Variants in GALNT5 observed in about 807,000 individuals in gnomAD.
GALNT5 encodes the protein UDP-GalNAc:polypeptide N-acetylgalactosaminyltransferase 5.
GALNT5 carries 72 observed loss-of-function variants against 85.4 expected under a neutral mutation model. That is an observed-to-expected ratio of 0.84 (90% CI 0.70 to 1.03). GALNT5 has a LOEUF of 1.03. GALNT5 is among the 50% of genes least tolerant of loss of function. The pLI is 0.00. For synonymous variants in GALNT5, 404 were observed against 397.0 expected (o/e 1.02, Z -0.21); for missense variants, 1,137 against 1,135.5 (o/e 1.00, Z -0.02).
Position 157,311,538 on chromosome 2 carries a change from A to G in GALNT5, c.*190A>G, listed in dbSNP as rs1452158881. The G allele has an allele frequency of 1.0e-5, 5 of 487,332 alleles. No individual in the cohort carries two copies. The highest frequency in any genetic ancestry group is 1.8e-5 in the Non-Finnish European group (5 of 281,268). 30.2% of individuals were successfully genotyped at this position (487,332 alleles called of 1,614,324 possible). ...AGGAAAACAGTCCAACATTGGACTG[A>G]AGTCCTTCTTCGGAACTGGGTGGCC... is the stretch of plus-strand genomic sequence containing the variant. On this transcript the variant is annotated 3_prime_UTR_variant, in exon 10 of 10. Coordinates refer to ENST00000259056, the MANE Select transcript of GALNT5 (RefSeq NM_014568.3).
At chr2:157,302,597 A>G (rs1187265882) in intron 7 of GALNT5, 1 of 151,948 alleles carries the variant, frequency 6.6e-6, no homozygotes, top group Admixed American at 6.6e-5. Context: ...AAAAAAAAGA[A>G]AGGAATTTCC....
At position 157,258,790 on chromosome 2, in the gene GALNT5, C is replaced by T. The variant is rs200771005; in HGVS notation, c.708C>T (p.Asn236=). Residue 236 remains asparagine, a synonymous_variant, in exon 1 of 10, where the codon AAC becomes AAT. Transcript: ENST00000259056. ...RPKQRSQAVA[N]ERAHPASTAV... ...AGCAGCGATCACAGGCAGTAGCAAA[C>T]GAGAGGGCACACCCTGCCAGCACAG... 1.4e-5 allele frequency: 23 copies of T among 1,605,700 alleles called. No homozygotes were observed. Among genetic ancestry groups the T allele is most frequent in the East Asian group, 2.2e-5 (1 of 44,640 alleles).
At position 157,314,149 on chromosome 2, in the gene GALNT5, G is replaced by T. The variant is rs1057482456; in HGVS notation, c.*2801G>T. 1 of 151,620 alleles carries T rather than the reference G, an allele frequency of 6.6e-6. No homozygotes were observed. 9.4% of individuals were successfully genotyped at this position (151,620 alleles called of 1,614,324 possible). Reference sequence around the variant, plus strand: ...TAATCAGCACTGAATTCTTCAATAGGAGGCTGTGTTACAGGAGCTACAGAT... The same window carrying T: ...TAATCAGCACTGAATTCTTCAATAGTAGGCTGTGTTACAGGAGCTACAGAT... On this transcript the variant is annotated 3_prime_UTR_variant, in exon 10 of 10. Coordinates refer to ENST00000259056, the MANE Select transcript of GALNT5 (RefSeq NM_014568.3).
At chr2:157,269,624 C>T (rs942381240) in intron 1 of GALNT5, among the ~76,000 whole-genome samples, 12 of 152,176 alleles carry the variant, frequency 7.9e-5, no homozygotes, top group Admixed American at 2.6e-4. Flanking sequence ...ATGACATAAT[C>T]GGGGGAATAG....
In GALNT5 at chr2:157,308,553, C is replaced by A. The variant is rs1237040916; in HGVS notation, c.2521-14C>A. The A allele has an allele frequency of 6.3e-7, 1 of 1,593,538 alleles. No homozygotes were observed. Among genetic ancestry groups the A allele is most frequent in the Non-Finnish European group, 8.5e-7 (1 of 1,172,422 alleles). On this transcript the variant is annotated splice_polypyrimidine_tract_variant and intron_variant, in intron 8 of 9. Coordinates refer to ENST00000259056, the MANE Select transcript of GALNT5 (RefSeq NM_014568.3). ...TGCTGCCTGAAGTGACCTCTTTATT[C>A]ATTTCCCCCACAGCTTCAACAATTT...
chr2:157,258,693 G>C lies in GALNT5; in HGVS notation c.611G>C (p.Ser204Thr). ...GAGCCCCGGAAGAGTCATAGTCCCAGCAGTGACACATCAAAACTAGCAGCT... is the reference window on the plus strand; with the variant it reads ...GAGCCCCGGAAGAGTCATAGTCCCACCAGTGACACATCAAAACTAGCAGCT... ...KQEPRKSHSP[S>T]SDTSKLAAER... The change falls in exon 1 of 10, where the codon AGC becomes ACC. Residue 204 changes from serine (S) to threonine (T), a missense_variant. By Grantham distance (58) the Ser-to-Thr change is moderately conservative. Transcript: ENST00000259056. The C allele has an allele frequency of 6.2e-7, 1 of 1,613,974 alleles. No homozygotes were observed. Among genetic ancestry groups the C allele is most frequent in the Non-Finnish European group, 8.5e-7 (1 of 1,180,000 alleles).
In GALNT5 at chr2:157,290,112, T is replaced by TATATATATATACACACAC. The variant is rs1416458086; in HGVS notation, c.1741+3979_1741+3980insTATATATATACACACACA. 4.0e-3 allele frequency among the ~76,000 whole-genome samples: 549 copies of TATATATATATACACACAC among 137,564 alleles called. 3 individuals are homozygous for TATATATATATACACACAC. The highest frequency in any genetic ancestry group is 3.8e-3 in the Non-Finnish European group (253 of 66,692). 90.2% of individuals were successfully genotyped at this position (137,564 alleles called of 152,430 possible). A position where few individuals can be genotyped will look rare whatever the true frequency, so the allele number is the denominator to read the frequency against. ...GTATATATATATATATATATATATA[T>TATATATATATACACACAC]ACATACACAAACACATATATACATA... is the stretch of plus-strand genomic sequence containing the variant. On this transcript the variant is annotated intron_variant, in intron 3 of 9. Transcript: ENST00000259056.
At chr2:157,272,203 G>A (rs1200062592) in intron 1 of GALNT5, among the ~76,000 whole-genome samples, 2 of 151,900 alleles carry the variant, frequency 1.3e-5, no homozygotes, top group African/African-American at 4.8e-5. Context: ...CTACTCTGAT[G>A]CTCATAAATA....
intron 1 of GALNT5, among the ~76,000 whole-genome samples, chr2:157,271,078 T>G (rs1414931130): frequency 6.6e-6 from 1 of 150,390 alleles, no homozygotes; most frequent in Non-Finnish European, 1.5e-5. Context: ...ATCACGCCAC[T>G]CCACTCCAGC....
intron 7 of GALNT5, chr2:157,302,574 G>T (rs1201347047): frequency 9.4e-6 from 1 of 106,188 alleles, no homozygotes; most frequent in Non-Finnish European, 2.1e-5. Flanking sequence ...AATTTCAACC[G>T]CTGAGCAGAA....
chr2:157,285,275 C>A (rs979070611), intron 2 of GALNT5, among the ~76,000 whole-genome samples: 3 of 152,080 alleles, frequency 2.0e-5, no homozygotes, highest in African/African-American at 7.2e-5. Context: ...TAAAATGTGG[C>A]CTTGGAAGCA....
chr2:157,294,364 C>G (rs1039997608), intron 3 of GALNT5, among the ~76,000 whole-genome samples: 2 of 152,176 alleles, frequency 1.3e-5, no homozygotes, highest in African/African-American at 4.8e-5. Flanking sequence ...ACAAAAGGCT[C>G]CTTCTGTTAT....
chr2:157,295,658 T>C lies in GALNT5; in HGVS notation c.1742-5T>C, dbSNP rs1367111545. ...TAAGTTTTTTGTGTGTGTTTGGCCC[T>C]CTAGGTGATGTGTTGACATTTTTAG... On this transcript the variant is annotated splice_region_variant and splice_polypyrimidine_tract_variant and intron_variant, in intron 3 of 9. Coordinates refer to ENST00000259056, the MANE Select transcript of GALNT5 (RefSeq NM_014568.3). The C allele has an allele frequency of 4.3e-6, 7 of 1,611,792 alleles. No individual in the cohort carries two copies. The highest frequency in any genetic ancestry group is 5.9e-6 in the Non-Finnish European group (7 of 1,178,736).
In GALNT5 at chr2:157,284,320, C is replaced by A; in HGVS notation, c.1493C>A (p.Thr498Asn). ...EQLVHNNLPT[T>N]SVIMCFVDEV... ...CTAGTTCACAATAACCTCCCAACCA[C>A]CAGTGTCATCATGTGCTTTGTGGAT... Residue 498 changes from threonine (T) to asparagine (N), a missense_variant, in exon 2 of 10, where the codon ACC becomes AAC. By Grantham distance (65) the Thr-to-Asn change is moderately conservative (BLOSUM62 0). Coordinates refer to ENST00000259056, the MANE Select transcript of GALNT5 (RefSeq NM_014568.3). 6.2e-7 allele frequency: 1 copy of A among 1,614,046 alleles called. No individual in the cohort carries two copies. Among genetic ancestry groups the A allele is most frequent in the Non-Finnish European group, 8.5e-7 (1 of 1,179,906 alleles).
Position 157,258,581 on chromosome 2 carries a change from G to A in GALNT5, c.499G>A (p.Gly167Arg). ...QGTPKQTTAQ[G>R]APKTSFIAAK... Reference sequence around the variant, plus strand: ...GACACCAAAGCAAACGACAGCTCAGGGGGCTCCAAAGACCTCATTCATAGC... The same window carrying A: ...GACACCAAAGCAAACGACAGCTCAGAGGGCTCCAAAGACCTCATTCATAGC... The change falls in exon 1 of 10, where the codon GGG (glycine) becomes AGG (arginine). Residue 167 changes from glycine (G) to arginine (R), a missense_variant. By Grantham distance (125) the Gly-to-Arg change is moderately radical. Transcript: ENST00000259056. 1.2e-6 allele frequency: 2 copies of A among 1,613,358 alleles called. No individual in the cohort carries two copies. Among genetic ancestry groups the A allele is most frequent in the African/African-American group, 1.3e-5 (1 of 74,774 alleles).
At chr2:157,283,247 A>G (rs1022404794) in intron 1 of GALNT5, among the ~76,000 whole-genome samples, 2 of 152,226 alleles carry the variant, frequency 1.3e-5, no homozygotes, top group East Asian at 3.8e-4. Flanking sequence ...GAAATAATAT[A>G]GAATGCTTAT....
intron 9 of GALNT5, among the ~76,000 whole-genome samples, chr2:157,309,736 C>A (rs1277195641): frequency 1.3e-5 from 2 of 152,158 alleles, no homozygotes; most frequent in Non-Finnish European, 2.9e-5. Flanking sequence ...AAACTGGGGC[C>A]TGAGTAATGT....
chr2:157,277,745 A>C (rs961062526), intron 1 of GALNT5, among the ~76,000 whole-genome samples: 1 of 152,180 alleles, frequency 6.6e-6, no homozygotes, highest in Non-Finnish European at 1.5e-5. Flanking sequence ...TCCTGAATAC[A>C]GCACACTGAT....
chr2:157,314,904 C>T lies in GALNT5; in HGVS notation c.*3556C>T, dbSNP rs542739133. Among the ~76,000 whole-genome samples the T allele has an allele frequency of 3.9e-5, 6 of 151,972 alleles. No homozygotes were observed. The highest frequency in any genetic ancestry group is 7.4e-5 in the Non-Finnish European group (5 of 67,990). ...ACCAGCCTGGGCAACATGGTGAAAC[C>T]CCGTCTCTACTAAAAATACAAAAAT... On this transcript the variant is annotated 3_prime_UTR_variant, in exon 10 of 10. Transcript: ENST00000259056.
Sources: gnomAD v4.1 joint callset for allele counts (sites outside exome capture counted in the v4.1 genomes callset) on GRCh38, gnomAD v4.1.1 for gene constraint, MANE v1.5 for transcripts, NCBI Gene and HGNC (gene_info 2026-07-23, HGNC 2026-07-21) for gene names.